The following OTUD7B variants were observed in gnomAD, a reference collection of about 807,000 sequenced individuals.
OTUD7B encodes OTU deubiquitinase 7B, also known as OTU domain-containing protein 7B.
A neutral mutation model predicts 82.2 loss-of-function variants in OTUD7B; 34 were observed. The ratio of observed to expected loss-of-function variants is 0.41; its 90% CI spans 0.31 to 0.55. OTUD7B has a LOEUF of 0.55. OTUD7B is among the 20% of genes least tolerant of loss of function. OTUD7B has a pLI of 0.20. For missense variants in OTUD7B, 944 were observed against 1,062.1 expected, an observed-to-expected ratio of 0.89 and a Z score of 1.55; for synonymous variants, 398 against 402.7, an observed-to-expected ratio of 0.99 and a Z score of 0.14.
rs114275983 is a variant in OTUD7B at position 149,970,751 on chromosome 1, C to T, written c.274+312G>A. Reference sequence around the variant, plus strand: ...ATTGGCAAATATTAACAAATTACCCCCCAAAGAGGTAATGACTCTTTCAAT... The same window carrying T: ...ATTGGCAAATATTAACAAATTACCCTCCAAAGAGGTAATGACTCTTTCAAT... On this transcript the variant is annotated intron_variant, in intron 3 of 11. Transcript: ENST00000581312. 8.3e-3 allele frequency among the ~76,000 whole-genome samples: 1,266 copies of T among 152,226 alleles called. 18 individuals carry two copies. Among genetic ancestry groups the T allele is most frequent in the African/African-American group, 0.029 (1,213 of 41,544 alleles).
chr1:149,996,239 G>A (rs1386502115), intron 1 of OTUD7B, among the ~76,000 whole-genome samples: 1 of 152,204 alleles, frequency 6.6e-6, no homozygotes, highest in Non-Finnish European at 1.5e-5. Context: ...ACACTGTCCA[G>A]TTTATACCCA....
At chr1:149,958,942 C>T (rs919666209) in intron 7 of OTUD7B, among the ~76,000 whole-genome samples, 2 of 151,310 alleles carry the variant, frequency 1.3e-5, no homozygotes, top group Non-Finnish European at 1.5e-5. Flanking sequence ...GTCTCACTGG[C>T]CAGGCATGGT....
At chr1:149,985,446 G>A (rs587731543) in intron 1 of OTUD7B, among the ~76,000 whole-genome samples, 2 of 152,114 alleles carry the variant, frequency 1.3e-5, no homozygotes, top group South Asian at 2.1e-4. Flanking sequence ...ATACAGGGTC[G>A]GGCATGCTGG....
At chr1:149,993,772 A>G (rs587729481) in intron 1 of OTUD7B, among the ~76,000 whole-genome samples, 7 of 152,330 alleles carry the variant, frequency 4.6e-5, no homozygotes, top group African/African-American at 1.7e-4. Flanking sequence ...TATCTATTAT[A>G]TAATATCTGT....
At chr1:150,013,895 C>T (rs1330707909), upstream of OTUD7B, among the ~76,000 whole-genome samples, 2 of 122,984 alleles carry the variant, frequency 1.6e-5, no homozygotes, top group Admixed American at 9.5e-5. Context: ...GCACTCCAGC[C>T]GGGCAACAGA....
At chr1:149,949,105 A>C in intron 9 of OTUD7B, 22 bp from the exon 10 acceptor site, 5 of 1,385,158 alleles carry the variant, frequency 3.6e-6, no homozygotes, top group Non-Finnish European at 5.1e-6. Context: ...GAAACATATC[A>C]TCAAGGAATC....
chr1:150,054,066 C>A, the OTUD7B span: 1 of 373,292 alleles, frequency 2.7e-6, no homozygotes, highest in Non-Finnish European at 5.0e-6. Flanking sequence ...AGAAAGGCCA[C>A]GTGCAAGAGG....
At chr1:150,051,390 G>A in the OTUD7B span, among the ~76,000 whole-genome samples, 7 of 151,814 alleles carry the variant, frequency 4.6e-5, no homozygotes, top group Admixed American at 6.6e-5. Flanking sequence ...TTATTGACAT[G>A]AGTCACCTAG....
intron 1 of OTUD7B, among the ~76,000 whole-genome samples, chr1:150,006,894 G>A (rs151116440): frequency 1.3e-5 from 2 of 152,304 alleles, no homozygotes; most frequent in African/African-American, 4.8e-5. Flanking sequence ...CACAATGTAC[G>A]GATGCCTGCC....
chr1:149,960,335 T>TA (rs1186412272), intron 6 of OTUD7B, among the ~76,000 whole-genome samples: 4 of 151,558 alleles, frequency 2.6e-5, no homozygotes, highest in African/African-American at 9.7e-5. Flanking sequence ...GTATGGTATA[T>TA]ACCATCTATC....
At chr1:150,001,559 A>G (rs190165696) in intron 1 of OTUD7B, among the ~76,000 whole-genome samples, 7 of 152,330 alleles carry the variant, frequency 4.6e-5, no homozygotes, top group Admixed American at 3.9e-4. Flanking sequence ...AGTGTAACCA[A>G]GTTATCTCCC....
At chr1:150,032,800 G>A in the OTUD7B span, among the ~76,000 whole-genome samples, 4 of 152,156 alleles carry the variant, frequency 2.6e-5, no homozygotes, top group South Asian at 6.2e-4. Flanking sequence ...TGGTAAACCT[G>A]TGGATAGAAT....
At chr1:150,049,926 A>G in the OTUD7B span, among the ~76,000 whole-genome samples, 1 of 152,134 alleles carries the variant, frequency 6.6e-6, no homozygotes, top group African/African-American at 2.4e-5. Flanking sequence ...TATGTTGTAC[A>G]TGAGGCCAGG....
the OTUD7B span, among the ~76,000 whole-genome samples, chr1:150,030,459 C>T: frequency 7.3e-4 from 111 of 152,300 alleles, no homozygotes; most frequent in Non-Finnish European, 1.4e-3. Flanking sequence ...CCTTCTGCTT[C>T]CTCAGGGAAT....
At position 149,944,536 on chromosome 1, in the gene OTUD7B, C is replaced by G. The variant is rs1553771492; in HGVS notation, c.1853G>C (p.Gly618Ala). Residue 618 changes from glycine to alanine, a missense_variant, in exon 12 of 12, where the codon GGT (glycine) becomes GCT (alanine). By Grantham distance (60) the Gly-to-Ala change is moderately conservative (BLOSUM62 0). This residue lies in a region of OTUD7B where 412 missense variants were observed against 418.7 expected (regional missense o/e 0.98). Coordinates refer to ENST00000581312, the MANE Select transcript of OTUD7B (RefSeq NM_020205.4). ...KFIFVGTLKM[G>A]HRHQYQEEMI... ...TTCCTCCTGATACTGGTGACGGTGA[C>G]CCATCTTCAGGGTTCCAACAAAAAT... The G allele has an allele frequency of 1.2e-6, 2 of 1,614,086 alleles. No homozygotes were observed. Among genetic ancestry groups the G allele is most frequent in the Non-Finnish European group, 8.5e-7 (1 of 1,180,022 alleles).
chr1:150,041,222 A>G, the OTUD7B span, among the ~76,000 whole-genome samples: 1 of 152,084 alleles, frequency 6.6e-6, no homozygotes, highest in Non-Finnish European at 1.5e-5. Flanking sequence ...ATTTCACCCG[A>G]ATTTTAAATT....
At chr1:150,025,256 T>C in the OTUD7B span, among the ~76,000 whole-genome samples, 1 of 151,598 alleles carries the variant, frequency 6.6e-6, no homozygotes, top group African/African-American at 2.4e-5. Flanking sequence ...ACCCTGTCTC[T>C]ACTAAAAATA....
intron 1 of OTUD7B, among the ~76,000 whole-genome samples, chr1:149,980,463 G>GT (rs1553779429): frequency 6.6e-6 from 1 of 152,104 alleles, no homozygotes. Flanking sequence ...GCTCACGCCT[G>GT]TAATTCCAGC....
chr1:150,009,956 A>AAC (rs368706358), intron 1 of OTUD7B, among the ~76,000 whole-genome samples: 2,953 of 151,062 alleles, frequency 0.02, 75 homozygotes, highest in African/African-American at 0.065. Flanking sequence ...CACACACACA[A>AAC]ACACACACAC....
Sources: gnomAD v4.1 joint callset for allele counts (sites outside exome capture counted in the v4.1 genomes callset) on GRCh38, gnomAD v4.1.1 for gene constraint, gnomAD v4.1.1 regional missense constraint, MANE v1.5 for transcripts, NCBI Gene and HGNC (gene_info 2026-07-23, HGNC 2026-07-21) for gene names.